AIMP1: variants seen among roughly 807,000 people sequenced by gnomAD.
The protein encoded by AIMP1 is aminoacyl tRNA synthetase complex interacting multifunctional protein 1, also known as aminoacyl tRNA synthase complex-interacting multifunctional protein 1.
AIMP1 carries 24 observed loss-of-function variants against 33.1 expected under a neutral mutation model. The observed-to-expected ratio is 0.73, with a 90% CI of 0.53 to 1.02. The LOEUF is 1.02. AIMP1 is among the 50% of genes least tolerant of loss of function. The pLI, the probability that AIMP1 is intolerant of heterozygous loss-of-function variation, is 0.00. For synonymous variants in AIMP1, 120 were observed against 121.5 expected, an observed-to-expected ratio of 0.99 and a Z score of 0.08; for missense variants, 367 against 364.8, an observed-to-expected ratio of 1.01 and a Z score of -0.05.
intron 1 of AIMP1, 82 bp downstream of exon 1, chr4:106,316,676 GGA>G: frequency 7.1e-7 from 1 of 1,408,962 alleles, no homozygotes; most frequent in Non-Finnish European, 9.7e-7. Flanking sequence ...CTTGCCTCCA[GGA>G]GAGAGGACCT....
Position 106,347,869 on chromosome 4 carries a change from A to T in AIMP1, c.*177A>T. ...TTGATTGGGGAAACACTAGATTTTT[A>T]CCTCGGTTTTTGATCATTTATAATG... On this transcript the variant is annotated 3_prime_UTR_variant, in exon 7 of 7. Transcript: ENST00000672341. The T allele has an allele frequency of 1.7e-6, 1 of 580,334 alleles. No homozygotes were observed. The highest frequency in any genetic ancestry group is 2.7e-5 in the South Asian group (1 of 36,374). 35.9% of individuals were successfully genotyped at this position (580,334 alleles called of 1,614,324 possible).
At chr4:106,324,585 A>T (rs1400408003) in intron 1 of AIMP1, among the ~76,000 whole-genome samples, 1 of 151,988 alleles carries the variant, frequency 6.6e-6, no homozygotes, top group African/African-American at 2.4e-5. Flanking sequence ...CAGTAGAAGG[A>T]TCCAGTATAC....
chr4:106,324,916 T>G (rs1769401670), intron 1 of AIMP1, 69 bp from the exon 2 acceptor site: 2 of 1,291,692 alleles, frequency 1.5e-6, no homozygotes, highest in Admixed American at 6.2e-5. Context: ...AGACTGCTTT[T>G]TCATAGTGGC....
In AIMP1 at chr4:106,341,472, G is replaced by A. The variant is rs1219254966; in HGVS notation, c.772+4435G>A. The stretch of plus-strand genomic sequence containing the variant: ...CATCTTGAGTTAACTTTTGTATATG[G>A]TGAAATGTAAGGGTCCTATTTCATT... On this transcript the variant is annotated intron_variant, in intron 6 of 6. Transcript: ENST00000672341. 2.0e-5 allele frequency among the ~76,000 whole-genome samples: 3 copies of A among 152,212 alleles called. No individual in the cohort carries two copies. In the East Asian group the frequency reaches 5.8e-4, roughly 29 times the overall value.
At chr4:106,320,756 C>T (rs1430891440) in intron 1 of AIMP1, among the ~76,000 whole-genome samples, 3 of 152,034 alleles carry the variant, frequency 2.0e-5, no homozygotes, top group Admixed American at 6.5e-5. Context: ...AGCCCTCTCC[C>T]TCTCCCTCTC....
intron 6 of AIMP1, among the ~76,000 whole-genome samples, chr4:106,341,690 A>G (rs1317934025): frequency 6.6e-6 from 1 of 152,122 alleles, no homozygotes; most frequent in Non-Finnish European, 1.5e-5. Flanking sequence ...TGGTTACTGT[A>G]GCCTTGTAGT....
chr4:106,345,008 T>C (rs542147450), intron 6 of AIMP1, among the ~76,000 whole-genome samples: 187 of 152,308 alleles, frequency 1.2e-3, no homozygotes, highest in Non-Finnish European at 2.4e-3. Context: ...TACTTACATA[T>C]GTACTGAGAG....
chr4:106,317,638 G>T (rs1181119460), intron 1 of AIMP1, among the ~76,000 whole-genome samples: 1 of 152,156 alleles, frequency 6.6e-6, no homozygotes, highest in Non-Finnish European at 1.5e-5. Flanking sequence ...TATTATAGAT[G>T]ACAGGGTTAA....
chr4:106,338,023 A>G lies in AIMP1; in HGVS notation c.772+986A>G, dbSNP rs540144309. 2.0e-5 allele frequency among the ~76,000 whole-genome samples: 3 copies of G among 152,282 alleles called. No homozygotes were observed. The South Asian group carries it at 6.2e-4, about 32-fold the overall frequency. Reference sequence around the variant, plus strand: ...CTATGGAACTTTGAACTTGAGAAAGATGAGTTAGGGTATCTGGCAGAAGAA... The same window carrying G: ...CTATGGAACTTTGAACTTGAGAAAGGTGAGTTAGGGTATCTGGCAGAAGAA... On this transcript the variant is annotated intron_variant, in intron 6 of 6. Coordinates refer to ENST00000672341, the MANE Select transcript of AIMP1 (RefSeq NM_001142416.2).
chr4:106,322,983 C>CAA (rs201904801), intron 1 of AIMP1, among the ~76,000 whole-genome samples: 19 of 95,848 alleles, frequency 2.0e-4, no homozygotes, highest in African/African-American at 5.7e-4. Context: ...GACTCTGTCT[C>CAA]AAAAAAAAAA....
At chr4:106,333,359 G>C (rs1769750881) in intron 5 of AIMP1, among the ~76,000 whole-genome samples, 1 of 152,120 alleles carries the variant, frequency 6.6e-6, no homozygotes, top group Non-Finnish European at 1.5e-5. Context: ...CCTAGCCTGG[G>C]CTTTTGTTTT....
Position 106,321,158 on chromosome 4 carries a change from C to T in AIMP1, c.-25-3827C>T, listed in dbSNP as rs549229671. On this transcript the variant is annotated intron_variant, in intron 1 of 6. Coordinates refer to ENST00000672341, the MANE Select transcript of AIMP1 (RefSeq NM_001142416.2). Reference sequence around the variant, plus strand: ...AAGTGCCGAGATTGCAGCCTCTGCCCGGCCGCCACCCCGTCTAGGAAGTGA... The same window carrying T: ...AAGTGCCGAGATTGCAGCCTCTGCCTGGCCGCCACCCCGTCTAGGAAGTGA... The T allele has an allele frequency of 8.5e-3, 1,468 of 171,770 alleles. 9 individuals are homozygous for T. Among genetic ancestry groups the T allele is most frequent in the Non-Finnish European group, 0.012 (1,032 of 83,168 alleles). The allele number at this position is 171,770 out of a possible 1,614,324, so 10.6% of individuals were successfully genotyped here.
At chr4:106,322,672 T>A (rs968058280) in intron 1 of AIMP1, among the ~76,000 whole-genome samples, 1 of 152,112 alleles carries the variant, frequency 6.6e-6, no homozygotes, top group East Asian at 1.9e-4. Flanking sequence ...GATACCCAGT[T>A]ATCTAGGACT....
At chr4:106,322,948 C>T (rs1250726469) in intron 1 of AIMP1, among the ~76,000 whole-genome samples, 2 of 150,164 alleles carry the variant, frequency 1.3e-5, no homozygotes, top group East Asian at 3.9e-4. Context: ...CGTGCCACTG[C>T]ACCCCAGCCT....
At position 106,336,905 on chromosome 4, in the gene AIMP1, A is replaced by T. The variant is rs1440155535; in HGVS notation, c.640A>T (p.Lys214Ter). The part of the protein sequence containing the change: ...NRMVILLCNL[K>*]PAKMRGVLSQ... ...GATGGTGATTTTACTTTGTAACCTG[A>T]AACCTGCAAAGATGAGGGGAGTATT... Residue 214 changes from lysine (K) to a stop codon, truncating the protein, a stop_gained, in exon 6 of 7, where the codon AAA becomes TAA. Transcript: ENST00000672341. LOFTEE classifies it high-confidence loss of function. 6.2e-7 allele frequency: 1 copy of T among 1,614,088 alleles called. No homozygotes were observed. Among genetic ancestry groups the T allele is most frequent in the South Asian group, 1.1e-5 (1 of 91,080 alleles).
chr4:106,334,058 T>C (rs1372079326), intron 5 of AIMP1, among the ~76,000 whole-genome samples: 1 of 152,196 alleles, frequency 6.6e-6, no homozygotes. Flanking sequence ...CTCTGTCCCA[T>C]GGTGCTTCAG....
intron 5 of AIMP1, among the ~76,000 whole-genome samples, chr4:106,336,036 T>A (rs1769862143): frequency 8.1e-6 from 1 of 123,088 alleles, no homozygotes; most frequent in African/African-American, 3.1e-5. Flanking sequence ...TGATCTTTTT[T>A]TTTTTTTTTT....
At chr4:106,336,030 C>CTTTTTT (rs34219049) in intron 5 of AIMP1, among the ~76,000 whole-genome samples, 4 of 59,426 alleles carry the variant, frequency 6.7e-5, no homozygotes, top group Admixed American at 2.2e-4. Context: ...GTTAAATGAT[C>CTTTTTT]TTTTTTTTTT....
chr4:106,343,903 C>T (rs1770194073), intron 6 of AIMP1, among the ~76,000 whole-genome samples: 1 of 151,996 alleles, frequency 6.6e-6, no homozygotes, highest in South Asian at 2.1e-4. Flanking sequence ...AATTATGAAG[C>T]ATAGGTTTAA....
Sources: allele counts gnomAD v4.1 joint callset (sites outside exome capture counted in the v4.1 genomes callset), GRCh38; gene constraint gnomAD v4.1.1; transcripts MANE v1.5; gene names NCBI Gene and HGNC (gene_info 2026-07-23, HGNC 2026-07-21).